The following ZNF718 variants were observed in gnomAD, a reference collection of about 807,000 sequenced individuals.
The protein encoded by ZNF718 is zinc finger protein 718.
In ZNF718, 3 loss-of-function variants were observed where a neutral mutation model predicts 2.6. The ratio of observed to expected loss-of-function variants is 1.16; its 90% CI spans 0.53 to 3.01. The LOEUF (loss-of-function observed/expected upper bound fraction) is 3.01, where lower values mean the gene tolerates loss of function less well. Ranked by LOEUF, ZNF718 falls within the 30% of genes most tolerant of loss-of-function variation. ZNF718 has a pLI of 0.03. For synonymous variants in ZNF718, 135 were observed against 77.9 expected, an observed-to-expected ratio of 1.73 and a Z score of -3.86; for missense variants, 468 against 230.0, an observed-to-expected ratio of 2.03 and a Z score of -6.69.
chr4:138,174 G>C (rs1715655896), intron 3 of ZNF718, among the ~76,000 whole-genome samples: 1 of 152,142 alleles, frequency 6.6e-6, no homozygotes, highest in African/African-American at 2.4e-5. Flanking sequence ...ATTTAAAAAT[G>C]TACAATTAAA....
At chr4:170,535 C>G (rs918545417) in intron 3 of ZNF718, among the ~76,000 whole-genome samples, 1 of 152,088 alleles carries the variant, frequency 6.6e-6, no homozygotes, top group African/African-American at 2.4e-5. Context: ...TTCTTGGAGG[C>G]TTTGTTTGTT....
downstream of ZNF718, among the ~76,000 whole-genome samples, chr4:164,969 TAA>T (rs1717055400): frequency 6.6e-6 from 1 of 152,160 alleles, no homozygotes; most frequent in Admixed American, 6.6e-5. Flanking sequence ...GAAATGGTAT[TAA>T]TTCTGTATGT....
intron 3 of ZNF718, among the ~76,000 whole-genome samples, chr4:185,366 CTGTT>C (rs1431018365): frequency 6.6e-6 from 1 of 152,080 alleles, no homozygotes; most frequent in Non-Finnish European, 1.5e-5. Context: ...ATTTGAGACA[CTGTT>C]TGTTATGATT....
intron 1 of ZNF718, among the ~76,000 whole-genome samples, chr4:125,993 G>A (rs569860537): frequency 2.6e-5 from 4 of 152,266 alleles, no homozygotes; most frequent in Admixed American, 2.6e-4. Context: ...ATGCCTTTAT[G>A]GACTCAGGAA....
At chr4:144,187 C>T (rs1278977533) in intron 3 of ZNF718, among the ~76,000 whole-genome samples, 7 of 152,200 alleles carry the variant, frequency 4.6e-5, no homozygotes, top group African/African-American at 1.4e-4. Flanking sequence ...TGCTCGGGCC[C>T]GCACTGTGGA....
intron 3 of ZNF718, among the ~76,000 whole-genome samples, chr4:134,674 C>T (rs1396574223): frequency 1.3e-5 from 2 of 151,596 alleles, no homozygotes; most frequent in African/African-American, 2.4e-5. Context: ...TTAATCTCAT[C>T]GGTTAAATTT....
chr4:146,992 A>G (rs1192176594), intron 3 of ZNF718, among the ~76,000 whole-genome samples: 5 of 151,852 alleles, frequency 3.3e-5, no homozygotes, highest in African/African-American at 7.3e-5. Context: ...TTTTCTTGAG[A>G]CAGAGTCTCA....
At position 130,366 on chromosome 4, in the gene ZNF718, T is replaced by C. The variant is rs1327113860; in HGVS notation, c.4-422T>C. 3.9e-5 allele frequency among the ~76,000 whole-genome samples: 4 copies of C among 103,804 alleles called. 2 individuals are homozygous for C. The highest frequency in any genetic ancestry group is 1.3e-4 in the African/African-American group (4 of 29,900). The allele number at this position is 103,804 out of a possible 152,430, so 68.1% of individuals were successfully genotyped here. A position where few individuals can be genotyped will look rare whatever the true frequency, so the allele number is the denominator to read the frequency against. ...CTTGGCTGAGTGACTCTTAGCCCAG[T>C]CTTGCAGTAGAATTACATGGACAGT... On this transcript the variant is annotated intron_variant, in intron 1 of 3. Transcript: ENST00000510175.
chr4:194,990 T>C (rs1472764737), intron 3 of ZNF718, among the ~76,000 whole-genome samples: 3 of 152,134 alleles, frequency 2.0e-5, no homozygotes, highest in Admixed American at 6.5e-5. Flanking sequence ...CTGCACCCCT[T>C]TTCCTGCCTT....
chr4:200,853 A>C (rs1276924913), intron 3 of ZNF718, among the ~76,000 whole-genome samples: 1 of 152,244 alleles, frequency 6.6e-6, no homozygotes, highest in Admixed American at 6.5e-5. Flanking sequence ...ACAAAACTAA[A>C]TAGCAAATTC....
At chr4:134,381 G>T (rs1446897549) in intron 3 of ZNF718, among the ~76,000 whole-genome samples, 1 of 152,136 alleles carries the variant, frequency 6.6e-6, no homozygotes, top group Non-Finnish European at 1.5e-5. Context: ...CTGACCTCGT[G>T]ATCTGCCCAC....
intron 3 of ZNF718, among the ~76,000 whole-genome samples, chr4:158,020 TACAC>T (rs557993169): frequency 6.6e-6 from 1 of 152,172 alleles, no homozygotes; most frequent in South Asian, 2.1e-4. Context: ...TAATGTGAGA[TACAC>T]ACACACACAT....
chr4:174,014 C>T (rs1223956205), intron 3 of ZNF718, among the ~76,000 whole-genome samples: 2 of 152,132 alleles, frequency 1.3e-5, no homozygotes, highest in Non-Finnish European at 2.9e-5. Context: ...GAGAGCAGTC[C>T]TGCACATGAA....
intron 3 of ZNF718, among the ~76,000 whole-genome samples, chr4:184,049 A>G (rs1553820180): frequency 6.6e-6 from 1 of 152,144 alleles, no homozygotes; most frequent in African/African-American, 2.4e-5. Context: ...ACTGTGTTGA[A>G]TAAAAGTGGT....
At position 161,109 on chromosome 4, in the gene ZNF718, ACAATT is replaced by A; in HGVS notation, c.429_433del (p.Gln144Ter). 1.3e-6 allele frequency: 1 copy of A among 766,704 alleles called. No individual in the cohort carries two copies. The highest frequency in any genetic ancestry group is 2.4e-5 in the East Asian group (1 of 40,844). 47.5% of individuals were successfully genotyped at this position (766,704 alleles called of 1,614,324 possible). ...ATGCTTATTAACTACCCAGAAAAAA[ACAATT>A]CAATCTAATATATGTGTCAAAGTTT... On this transcript the variant is annotated frameshift_variant, in exon 4 of 4. Coordinates refer to ENST00000510175, the MANE Select transcript of ZNF718 (RefSeq NM_001039127.6). LOFTEE classifies it low-confidence loss of function (END_TRUNC).
At chr4:160,323 G>A (rs1210052820) in intron 3 of ZNF718, among the ~76,000 whole-genome samples, 2 of 152,094 alleles carry the variant, frequency 1.3e-5, no homozygotes, top group Non-Finnish European at 2.9e-5. Context: ...ACTTTACTTC[G>A]TGTTTTATGT....
At chr4:164,201 G>A (rs1275882658), downstream of ZNF718, among the ~76,000 whole-genome samples, 1 of 151,936 alleles carries the variant, frequency 6.6e-6, no homozygotes, top group East Asian at 1.9e-4. Flanking sequence ...TGGCAAACAT[G>A]TACAGACTTC....
chr4:182,676 G>A (rs782465644), intron 3 of ZNF718, among the ~76,000 whole-genome samples: 3 of 151,920 alleles, frequency 2.0e-5, no homozygotes, highest in East Asian at 1.9e-4. Flanking sequence ...CAAGTGATCC[G>A]CCCACCTCAG....
At chr4:147,340 G>A (rs2108792310) in intron 3 of ZNF718, among the ~76,000 whole-genome samples, 1 of 152,324 alleles carries the variant, frequency 6.6e-6, no homozygotes, top group East Asian at 1.9e-4. Context: ...TGCGTCTGAA[G>A]AAGCAAATGC....
Sources: allele counts gnomAD v4.1 joint callset (sites outside exome capture counted in the v4.1 genomes callset), GRCh38; gene constraint gnomAD v4.1.1; transcripts MANE v1.5; gene names NCBI Gene and HGNC (gene_info 2026-07-23, HGNC 2026-07-21).